Variants in CA10 observed in about 807,000 individuals in gnomAD.
CA10 encodes carbonic anhydrase 10 (inactive).
A neutral mutation model predicts 44.2 loss-of-function variants in CA10; 14 were observed. The ratio of observed to expected loss-of-function variants is 0.32; its 90% confidence interval spans 0.21 to 0.50. CA10 has a LOEUF of 0.50. Ranked by LOEUF, CA10 falls within the 20% of genes least tolerant of loss-of-function variation. The pLI is 0.99. For missense variants in CA10, 350 were observed against 409.7 expected (o/e 0.85, Z 1.26); for synonymous variants, 159 against 141.6 (o/e 1.12, Z -0.87).
chr17:51,732,187 T>C (rs1916744969), intron 4 of CA10, among the ~76,000 whole-genome samples: 1 of 152,198 alleles, frequency 6.6e-6, no homozygotes, highest in Non-Finnish European at 1.5e-5. Context: ...TTACATTGAC[T>C]GGCAGAAACG....
chr17:51,854,486 C>T (rs1242617803), intron 3 of CA10, among the ~76,000 whole-genome samples: 1 of 152,138 alleles, frequency 6.6e-6, no homozygotes, highest in Non-Finnish European at 1.5e-5. Context: ...GAGTAGTTTT[C>T]AGGGACTAGT....
chr17:51,775,355 T>G (rs1285602694), intron 3 of CA10, among the ~76,000 whole-genome samples: 1 of 152,134 alleles, frequency 6.6e-6, no homozygotes, highest in Non-Finnish European at 1.5e-5. Context: ...CAGCATATGT[T>G]AGCTGGATCC....
At chr17:51,881,521 C>A (rs185646389) in intron 3 of CA10, among the ~76,000 whole-genome samples, 1 of 151,632 alleles carries the variant, frequency 6.6e-6, no homozygotes, top group South Asian at 2.1e-4. Context: ...ATTTGCAACA[C>A]CTAAAACATA....
At position 52,089,668 on chromosome 17, in the gene CA10, TAAC is replaced by T. The variant is rs1212268442; in HGVS notation, c.62-17278_62-17276del. 3.3e-5 allele frequency among the ~76,000 whole-genome samples: 5 copies of T among 152,196 alleles called. No homozygotes were observed. The East Asian group carries it at 9.6e-4, about 29-fold the overall frequency. On this transcript the variant is annotated intron_variant, in intron 1 of 8. Coordinates refer to ENST00000451037, the MANE Select transcript of CA10 (RefSeq NM_020178.5). The stretch of plus-strand genomic sequence containing the variant: ...TTACAAATTAGGCATTGTAAGACAT[TAAC>T]AACAATAGCTAGTAAACAATAGAAC...
chr17:52,033,213 G>C (rs1986520049), intron 2 of CA10, among the ~76,000 whole-genome samples: 1 of 152,186 alleles, frequency 6.6e-6, no homozygotes, highest in Non-Finnish European at 1.5e-5. Flanking sequence ...ATTGGATACT[G>C]TGGCTCATAC....
At chr17:51,732,418 T>G (rs1333999898) in intron 4 of CA10, among the ~76,000 whole-genome samples, 1 of 152,214 alleles carries the variant, frequency 6.6e-6, no homozygotes, top group East Asian at 1.9e-4. Flanking sequence ...TGTTCATGCT[T>G]CTCTTTCAAG....
At chr17:52,156,279 G>A (rs1989802092) in intron 1 of CA10, among the ~76,000 whole-genome samples, 1 of 152,136 alleles carries the variant, frequency 6.6e-6, no homozygotes, top group South Asian at 2.1e-4. Flanking sequence ...ACATATGACT[G>A]ATATAAACCT....
At chr17:51,831,847 A>G (rs1458948959) in intron 3 of CA10, among the ~76,000 whole-genome samples, 1 of 152,130 alleles carries the variant, frequency 6.6e-6, no homozygotes, top group African/African-American at 2.4e-5. Context: ...AGCTTAGACC[A>G]ACCATGCTTT....
rs529209986 is a variant in CA10 at position 51,822,991 on chromosome 17, A to C, written c.280-75173T>G. ...CCTCCCCCACCCACTTTTGCTGCTT[A>C]ATAATCCACTAGAGGTTTTATCAAC... is the stretch of plus-strand genomic sequence containing the variant. On this transcript the variant is annotated intron_variant, in intron 3 of 8. Coordinates refer to ENST00000451037, the MANE Select transcript of CA10 (RefSeq NM_020178.5). Among the ~76,000 whole-genome samples the C allele has an allele frequency of 1.1e-4, 16 of 152,272 alleles. No homozygotes were observed. The South Asian group carries it at 3.3e-3, about 32-fold the overall frequency.
chr17:51,773,486 T>C (rs774163327), intron 3 of CA10, among the ~76,000 whole-genome samples: 38 of 152,286 alleles, frequency 2.5e-4, no homozygotes, highest in Non-Finnish European at 3.7e-4. Flanking sequence ...GGTGGAGAAG[T>C]TGCTAGATTT....
intron 2 of CA10, among the ~76,000 whole-genome samples, chr17:51,986,361 G>C (rs1206970307): frequency 4.6e-5 from 7 of 152,000 alleles, no homozygotes; most frequent in Non-Finnish European, 7.4e-5. Context: ...AACTCAAGAT[G>C]GATTAAGGAC....
At chr17:52,118,786 T>A (rs1428096015) in intron 1 of CA10, among the ~76,000 whole-genome samples, 2 of 152,220 alleles carry the variant, frequency 1.3e-5, no homozygotes, top group Non-Finnish European at 2.9e-5. Flanking sequence ...AATTTCTTTG[T>A]CAATCGTGTT....
chr17:52,038,103 G>A lies in CA10; in HGVS notation c.136+34216C>T, dbSNP rs572456353. On this transcript the variant is annotated intron_variant, in intron 2 of 8. Transcript: ENST00000451037. ...CAATAAACAGTATTGAAAGGATGGA[G>A]GAAACAGGTATCATGCTTAAAATGC... is the stretch of plus-strand genomic sequence containing the variant. Among the ~76,000 whole-genome samples, 14 of 152,240 alleles carry A rather than the reference G, an allele frequency of 9.2e-5. No individual in the cohort carries two copies. The East Asian group carries it at 9.7e-4, about 11-fold the overall frequency.
chr17:51,949,370 G>A (rs1318670785), intron 2 of CA10, among the ~76,000 whole-genome samples: 1 of 152,108 alleles, frequency 6.6e-6, no homozygotes, highest in East Asian at 1.9e-4. Context: ...TTTAATTGTG[G>A]TCTCATTTAC....
intron 4 of CA10, among the ~76,000 whole-genome samples, chr17:51,729,334 C>CT (rs976229729): frequency 1.3e-5 from 2 of 152,036 alleles, no homozygotes; most frequent in African/African-American, 2.4e-5. Context: ...GATGCTTAAA[C>CT]TTTTTTGTGT....
intron 2 of CA10, among the ~76,000 whole-genome samples, chr17:52,037,243 T>C (rs1986644550): frequency 6.6e-6 from 1 of 152,100 alleles, no homozygotes; most frequent in Non-Finnish European, 1.5e-5. Context: ...CAATATTATG[T>C]AGGGAGAAGA....
chr17:52,132,820 G>C (rs1423206659), intron 1 of CA10, among the ~76,000 whole-genome samples: 1 of 152,104 alleles, frequency 6.6e-6, no homozygotes, highest in African/African-American at 2.4e-5. Flanking sequence ...CATCAGGACT[G>C]GGGTACAAAC....
chr17:51,724,897 G>C (rs1362115569), intron 4 of CA10, among the ~76,000 whole-genome samples: 7 of 152,178 alleles, frequency 4.6e-5, no homozygotes, highest in Admixed American at 3.3e-4. Context: ...TGAAGATAAA[G>C]GGCATAGTAA....
At chr17:52,075,684 A>G (rs1277849834) in intron 1 of CA10, among the ~76,000 whole-genome samples, 2 of 152,114 alleles carry the variant, frequency 1.3e-5, no homozygotes, top group East Asian at 3.9e-4. Flanking sequence ...TAACAATCTT[A>G]AGTGCCCTCA....
Sources: gnomAD v4.1 joint callset for allele counts (sites outside exome capture counted in the v4.1 genomes callset) on GRCh38, gnomAD v4.1.1 for gene constraint, MANE v1.5 for transcripts, NCBI Gene and HGNC (gene_info 2026-07-23, HGNC 2026-07-21) for gene names.